Variants in CCNJL observed in about 807,000 individuals in gnomAD.
The protein encoded by CCNJL is cyclin J like.
A neutral mutation model predicts 33.4 loss-of-function variants in CCNJL; 33 were observed. The observed-to-expected ratio is 0.99, with a 90% confidence interval of 0.75 to 1.32. The LOEUF (loss-of-function observed/expected upper bound fraction) is 1.32. CCNJL is among the 40% of genes most tolerant of loss of function. The pLI is 0.00. For synonymous variants in CCNJL, 227 were observed against 220.9 expected (o/e 1.03, Z -0.24); for missense variants, 512 against 499.7 (o/e 1.02, Z -0.23).
chr5:160,335,748 A>ATTTG (rs1455695161), intron 1 of CCNJL, among the ~76,000 whole-genome samples: 5 of 125,552 alleles, frequency 4.0e-5, no homozygotes, highest in African/African-American at 1.3e-4. Flanking sequence ...TTTTTTTTGA[A>ATTTG]ATTTTTTTTT....
intron 2 of CCNJL, among the ~76,000 whole-genome samples, chr5:160,308,409 T>C (rs10078826): frequency 0.48 from 73,557 of 152,106 alleles, 19,070 homozygotes; most frequent in African/African-American, 0.68. Context: ...CAGACACAGG[T>C]CTCTTCTCGT....
At chr5:160,291,333 G>A (rs1353482667) in intron 2 of CCNJL, among the ~76,000 whole-genome samples, 1 of 152,042 alleles carries the variant, frequency 6.6e-6, no homozygotes, top group Non-Finnish European at 1.5e-5. Context: ...TATGCTCCCT[G>A]AAAAAAAGGG....
intron 2 of CCNJL, among the ~76,000 whole-genome samples, chr5:160,305,582 A>T (rs1323588747): frequency 6.6e-6 from 1 of 152,250 alleles, no homozygotes; most frequent in East Asian, 1.9e-4. Flanking sequence ...AGAGCGCCAG[A>T]AAACAAACTA....
rs144282228 is a variant in CCNJL, at chr5:160,290,329, G to T, written c.67-9591C>A. Among the ~76,000 whole-genome samples, 54 of 151,238 alleles carry T rather than the reference G, an allele frequency of 3.6e-4. 1 individual carries two copies. Among genetic ancestry groups the T allele is most frequent in the Middle Eastern group, 6.8e-3 (2 of 294 alleles). ...TGCCCAGGGTGGAGTACAGTGGCACGATCTCAGCTTACTGCAACCTCCGCC... is the reference window on the plus strand; with the variant it reads ...TGCCCAGGGTGGAGTACAGTGGCACTATCTCAGCTTACTGCAACCTCCGCC... On this transcript the variant is annotated intron_variant, in intron 2 of 5. Coordinates refer to ENST00000257536, the MANE Select transcript of CCNJL (RefSeq NM_001308173.3).
chr5:160,299,564 GA>G (rs1762859662), intron 2 of CCNJL, among the ~76,000 whole-genome samples: 1 of 151,462 alleles, frequency 6.6e-6, no homozygotes, highest in Non-Finnish European at 1.5e-5. Context: ...AGATATTAAT[GA>G]ATTATTGGTA....
At chr5:160,277,689 G>C (rs557367031) in intron 3 of CCNJL, among the ~76,000 whole-genome samples, 1 of 152,052 alleles carries the variant, frequency 6.6e-6, no homozygotes, top group African/African-American at 2.4e-5. Flanking sequence ...TGTTGGACGG[G>C]GCAGAAGGGG....
rs201233611 is a variant in CCNJL, at chr5:160,302,819, A to T, written c.66+9039T>A. On this transcript the variant is annotated intron_variant, in intron 2 of 5. Transcript: ENST00000257536. Reference sequence around the variant, plus strand: ...ACAGTGAGACTCTGTCTCAATAAAAAAAAAAAAATAATAATAATAAAATAA... The same window carrying T: ...ACAGTGAGACTCTGTCTCAATAAAATAAAAAAAATAATAATAATAAAATAA... 5.4e-4 allele frequency among the ~76,000 whole-genome samples: 80 copies of T among 147,448 alleles called. No homozygotes were observed. The East Asian group carries it at 0.011, about 20-fold the overall frequency.
chr5:160,267,747 A>T (rs1761665260), intron 3 of CCNJL, among the ~76,000 whole-genome samples: 1 of 152,190 alleles, frequency 6.6e-6, no homozygotes, highest in South Asian at 2.1e-4. Flanking sequence ...CTTGTTGAAG[A>T]GATAGTGTCT....
intron 2 of CCNJL, among the ~76,000 whole-genome samples, chr5:160,294,440 T>C (rs897218033): frequency 6.6e-6 from 1 of 152,192 alleles, no homozygotes; most frequent in African/African-American, 2.4e-5. Flanking sequence ...GTACTACTCC[T>C]GGGCAGATGG....
At chr5:160,297,654 CAAA>C (rs59634260) in intron 2 of CCNJL, among the ~76,000 whole-genome samples, 40 of 107,628 alleles carry the variant, frequency 3.7e-4, no homozygotes, top group South Asian at 1.2e-3. Context: ...TCTCTATTTA[CAAA>C]AAAAAAAAAA....
intron 3 of CCNJL, among the ~76,000 whole-genome samples, chr5:160,263,943 CTTTTT>C (rs1156940851): frequency 2.2e-5 from 3 of 136,628 alleles, no homozygotes; most frequent in African/African-American, 5.4e-5. Flanking sequence ...CTATCAACCT[CTTTTT>C]TTTTTTTTTT....
intron 1 of CCNJL, among the ~76,000 whole-genome samples, chr5:160,335,652 C>G (rs779901041): frequency 2.4e-4 from 37 of 152,016 alleles, no homozygotes; most frequent in Non-Finnish European, 5.1e-4. Context: ...CTCGCTGCAG[C>G]CTTTGAACTC....
intron 2 of CCNJL, among the ~76,000 whole-genome samples, chr5:160,298,916 C>T (rs1762832589): frequency 6.6e-6 from 1 of 152,164 alleles, no homozygotes; most frequent in African/African-American, 2.4e-5. Context: ...AAAATATTTT[C>T]AGGCAGGGTA....
At chr5:160,315,442 G>A (rs1345700713), upstream of CCNJL, 1 of 449,858 alleles carries the variant, frequency 2.2e-6, no homozygotes, top group East Asian at 7.0e-5. Flanking sequence ...CAAAGGTTGA[G>A]GCAGCAGTGA....
chr5:160,303,214 AT>A (rs1320778652), intron 2 of CCNJL, among the ~76,000 whole-genome samples: 1 of 151,936 alleles, frequency 6.6e-6, no homozygotes, highest in African/African-American at 2.4e-5. Flanking sequence ...TCATTTATTT[AT>A]TTTTTTTGAG....
intron 3 of CCNJL, among the ~76,000 whole-genome samples, chr5:160,267,227 G>C (rs1761634016): frequency 6.6e-6 from 1 of 152,186 alleles, no homozygotes; most frequent in Non-Finnish European, 1.5e-5. Flanking sequence ...GGTTGGGTGG[G>C]CTAGGGGGTC....
chr5:160,300,509 CTT>C (rs1450498356), intron 2 of CCNJL, among the ~76,000 whole-genome samples: 1 of 152,168 alleles, frequency 6.6e-6, no homozygotes, highest in Admixed American at 6.5e-5. Flanking sequence ...AACTCCTAAA[CTT>C]TCTTAAAACA....
At chr5:160,333,791 A>G (rs1763642254) in intron 1 of CCNJL, among the ~76,000 whole-genome samples, 1 of 151,936 alleles carries the variant, frequency 6.6e-6, no homozygotes, top group Admixed American at 6.6e-5. Flanking sequence ...TTAGCAATTC[A>G]CATCATCAGA....
At chr5:160,283,538 G>A (rs1249145438) in intron 2 of CCNJL, among the ~76,000 whole-genome samples, 2 of 152,168 alleles carry the variant, frequency 1.3e-5, no homozygotes, top group Non-Finnish European at 2.9e-5. Context: ...TACAGGAGAC[G>A]TTTTGATACA....
Sources: gnomAD v4.1 joint callset for allele counts (sites outside exome capture counted in the v4.1 genomes callset) on GRCh38, gnomAD v4.1.1 for gene constraint, MANE v1.5 for transcripts, NCBI Gene and HGNC (gene_info 2026-07-23, HGNC 2026-07-21) for gene names.